The following PPFIA2 variants were observed in gnomAD, a reference collection of about 807,000 sequenced individuals.
PPFIA2 encodes the protein PPFI scaffold protein A2.
In PPFIA2, 46 loss-of-function variants were observed where a neutral mutation model predicts 175.5. That is an observed-to-expected ratio of 0.26 (90% confidence interval 0.21 to 0.34). The LOEUF (loss-of-function observed/expected upper bound fraction) is 0.34, where lower values mean the gene tolerates loss of function less well. PPFIA2 is among the 10% of genes least tolerant of loss of function. The pLI is 1.00. For synonymous variants in PPFIA2, 568 were observed against 511.4 expected (o/e 1.11, Z -1.49); for missense variants, 1,179 against 1,506.1 (o/e 0.78, Z 3.60).
intron 4 of PPFIA2, among the ~76,000 whole-genome samples, chr12:81,548,050 T>C (rs2067262456): frequency 6.6e-6 from 1 of 152,194 alleles, no homozygotes; most frequent in Admixed American, 6.5e-5. Context: ...CAATCAGCTT[T>C]CCAAATAATG....
intron 4 of PPFIA2, among the ~76,000 whole-genome samples, chr12:81,585,468 C>G (rs1052240352): frequency 6.6e-6 from 1 of 151,584 alleles, no homozygotes; most frequent in Admixed American, 6.6e-5. Flanking sequence ...TCTTTATATC[C>G]GTATTCTATA....
chr12:81,633,935 ACT>A (rs200074003), intron 4 of PPFIA2, among the ~76,000 whole-genome samples: 4,059 of 152,022 alleles, frequency 0.027, 93 homozygotes, highest in Middle Eastern at 0.044. Flanking sequence ...GGTACTTAAA[ACT>A]CTGTCAGACA....
intron 22 of PPFIA2, among the ~76,000 whole-genome samples, chr12:81,303,889 G>A (rs1248565911): frequency 6.6e-6 from 1 of 152,152 alleles, no homozygotes; most frequent in Non-Finnish European, 1.5e-5. Flanking sequence ...AATTAACCAG[G>A]CGGGTGCAAC....
intron 3 of PPFIA2, among the ~76,000 whole-genome samples, chr12:81,724,762 G>C (rs2079825598): frequency 6.6e-6 from 1 of 150,854 alleles, no homozygotes; most frequent in Non-Finnish European, 1.5e-5. Context: ...CCATATCTCT[G>C]CTATAGTGAA....
At chr12:81,758,066 CT>C (rs2084956268) in intron 2 of PPFIA2, among the ~76,000 whole-genome samples, 2 of 152,166 alleles carry the variant, frequency 1.3e-5, no homozygotes, top group Non-Finnish European at 2.9e-5. Flanking sequence ...ACATTTTACA[CT>C]TTCTTTACCC....
At chr12:81,629,227 G>T (rs2063082135) in intron 4 of PPFIA2, among the ~76,000 whole-genome samples, 1 of 152,076 alleles carries the variant, frequency 6.6e-6, no homozygotes, top group Non-Finnish European at 1.5e-5. Context: ...AAAAAATTTA[G>T]ATTCCATTGA....
chr12:81,736,860 T>C (rs1403911830), intron 3 of PPFIA2, among the ~76,000 whole-genome samples: 1 of 151,898 alleles, frequency 6.6e-6, no homozygotes, highest in Non-Finnish European at 1.5e-5. Flanking sequence ...CTCTTGCCTC[T>C]GCCTCCCCAG....
At chr12:81,516,170 T>G (rs1287030287) in intron 4 of PPFIA2, among the ~76,000 whole-genome samples, 1 of 152,120 alleles carries the variant, frequency 6.6e-6, no homozygotes, top group Non-Finnish European at 1.5e-5. Context: ...TAAGTTCAAA[T>G]AATGTCTTTA....
At chr12:81,617,252 CTTAA>C (rs1342343584) in intron 4 of PPFIA2, among the ~76,000 whole-genome samples, 22 of 152,278 alleles carry the variant, frequency 1.4e-4, no homozygotes, top group South Asian at 2.1e-4. Flanking sequence ...TTGTCCCTTT[CTTAA>C]TTGTTTTTCT....
intron 11 of PPFIA2, among the ~76,000 whole-genome samples, chr12:81,372,302 G>GA (rs550479649): frequency 2.0e-5 from 3 of 150,852 alleles, no homozygotes; most frequent in Admixed American, 6.6e-5. Context: ...GAAAAAAGAA[G>GA]AAAAAAAGGT....
intron 25 of PPFIA2, 48 bp downstream of exon 25, chr12:81,284,193 G>A (rs769987024): frequency 7.1e-7 from 1 of 1,401,804 alleles, no homozygotes; most frequent in South Asian, 1.2e-5. Flanking sequence ...CATCCAAAGA[G>A]CAGCAAAGTC....
At chr12:81,422,725 T>C (rs915960804) in intron 7 of PPFIA2, among the ~76,000 whole-genome samples, 1 of 151,962 alleles carries the variant, frequency 6.6e-6, no homozygotes, top group Non-Finnish European at 1.5e-5. Context: ...TTACCTCCCA[T>C]TGGGTCCCTC....
At chr12:81,695,698 G>T (rs1032150496) in intron 3 of PPFIA2, among the ~76,000 whole-genome samples, 28 of 152,008 alleles carry the variant, frequency 1.8e-4, no homozygotes, top group African/African-American at 6.8e-4. Flanking sequence ...AAATGATTCA[G>T]CCTTACTCTG....
chr12:81,639,931 T>C (rs544898190), intron 4 of PPFIA2, among the ~76,000 whole-genome samples: 83 of 152,244 alleles, frequency 5.5e-4, no homozygotes, highest in African/African-American at 1.9e-3. Flanking sequence ...ATAAGTTTGC[T>C]TTTGAAGGCA....
In PPFIA2 at chr12:81,391,716, T is replaced by C. The variant is rs186445076; in HGVS notation, c.763-7472A>G. ...AAAACTTGAGTGTAATGATGTCACA[T>C]GCAGTATTTGGGTCAAGCTTATACT... On this transcript the variant is annotated intron_variant, in intron 8 of 32. Coordinates refer to ENST00000549396, the MANE Select transcript of PPFIA2 (RefSeq NM_003625.5). Among the ~76,000 whole-genome samples, 100 of 152,056 alleles carry C rather than the reference T, an allele frequency of 6.6e-4. 1 individual carries two copies. The highest frequency in any genetic ancestry group is 1.5e-3 in the Admixed American group (23 of 15,208).
At chr12:81,729,117 A>T (rs2080486108) in intron 3 of PPFIA2, among the ~76,000 whole-genome samples, 3 of 151,536 alleles carry the variant, frequency 2.0e-5, no homozygotes, top group African/African-American at 7.3e-5. Context: ...TATTAACTTA[A>T]ATAAGTATTA....
chr12:81,269,046 G>GA (rs1226583631), intron 28 of PPFIA2, among the ~76,000 whole-genome samples: 2 of 151,602 alleles, frequency 1.3e-5, no homozygotes, highest in African/African-American at 4.8e-5. Flanking sequence ...TTCTATTGAG[G>GA]AAAAAATTTC....
chr12:81,388,585 C>T (rs748449630), intron 8 of PPFIA2, among the ~76,000 whole-genome samples: 2 of 151,968 alleles, frequency 1.3e-5, no homozygotes, highest in Non-Finnish European at 2.9e-5. Context: ...TGGGTGTTTA[C>T]GGAGGCACAT....
chr12:81,720,492 C>T (rs560223965), intron 3 of PPFIA2, among the ~76,000 whole-genome samples: 1 of 151,308 alleles, frequency 6.6e-6, no homozygotes, highest in Non-Finnish European at 1.5e-5. Flanking sequence ...CACTTGTTTG[C>T]CCCTTTTGGT....
Sources: allele counts gnomAD v4.1 joint callset (sites outside exome capture counted in the v4.1 genomes callset), GRCh38; gene constraint gnomAD v4.1.1; transcripts MANE v1.5; gene names NCBI Gene and HGNC (gene_info 2026-07-23, HGNC 2026-07-21).